Variants in FREM1 observed in about 807,000 individuals in gnomAD.
FREM1 encodes the protein FRAS1-related extracellular matrix protein 1.
In FREM1, 220 loss-of-function variants were observed where a neutral mutation model predicts 210.1. That is an observed-to-expected ratio of 1.05 (90% CI 0.94 to 1.17). The LOEUF (loss-of-function observed/expected upper bound fraction) is 1.17, where lower values mean the gene tolerates loss of function less well. FREM1 is among the 50% of genes most tolerant of loss of function. The pLI is 0.00. For synonymous variants in FREM1, 1,189 were observed against 980.2 expected (o/e 1.21, Z -3.98); for missense variants, 3,454 against 2,675.5 (o/e 1.29, Z -6.42).
Position 14,737,378 on chromosome 9 carries a change from CT to C in FREM1, c.*17del. On this transcript the variant is annotated 3_prime_UTR_variant, in exon 37 of 37. Coordinates refer to ENST00000380880, the MANE Select transcript of FREM1 (RefSeq NM_001379081.2). ...TAGGTGACAAACTCCAGGTGGCCCCCTGTAGGGTCTGTTATATTTAGAGTTT... is the reference window on the plus strand; with the variant it reads ...TAGGTGACAAACTCCAGGTGGCCCCCGTAGGGTCTGTTATATTTAGAGTTT... 1.9e-6 allele frequency: 3 copies of C among 1,602,606 alleles called. No individual in the cohort carries two copies. The highest frequency in any genetic ancestry group is 2.6e-6 in the Non-Finnish European group (3 of 1,171,428).
rs532137391 is a variant in FREM1 at position 14,760,012 on chromosome 9, T to C, written c.5205-111A>G. The C allele has an allele frequency of 8.6e-6, 6 of 699,026 alleles. No homozygotes were observed. In the South Asian group the frequency reaches 9.6e-5, roughly 11 times the overall value. 43.3% of individuals were successfully genotyped at this position (699,026 alleles called of 1,614,324 possible). A position where few individuals can be genotyped will look rare whatever the true frequency, so the allele number is the denominator to read the frequency against. ...GTGGTTGATCAACCTACACCAGTGATGGAAATTCCTTAAGACTTATTTGAC... is the reference window on the plus strand; with the variant it reads ...GTGGTTGATCAACCTACACCAGTGACGGAAATTCCTTAAGACTTATTTGAC... On this transcript the variant is annotated intron_variant, in intron 27 of 36. Coordinates refer to ENST00000380880, the MANE Select transcript of FREM1 (RefSeq NM_001379081.2).
intron 9 of FREM1, among the ~76,000 whole-genome samples, chr9:14,842,100 T>C (rs1052427262): frequency 8.5e-5 from 13 of 152,228 alleles, no homozygotes; most frequent in Non-Finnish European, 1.5e-4. Flanking sequence ...TCTGGAAATC[T>C]GTAGATGCAC....
intron 10 of FREM1, among the ~76,000 whole-genome samples, chr9:14,825,547 G>GTGTGTGTATGTATATATATATA: frequency 1.3e-5 from 1 of 75,932 alleles, no homozygotes; most frequent in Non-Finnish European, 2.5e-5. Context: ...GTGTGTGTGT[G>GTGTGTGTATGTATATATATATA]TATATATATA....
chr9:14,818,709 T>C (rs894826040), intron 14 of FREM1, among the ~76,000 whole-genome samples: 4 of 152,328 alleles, frequency 2.6e-5, no homozygotes, highest in East Asian at 1.9e-4. Context: ...GCCATCCCTG[T>C]TGGAGACTCA....
At chr9:14,789,455 G>A (rs900372347) in intron 22 of FREM1, among the ~76,000 whole-genome samples, 3 of 151,986 alleles carry the variant, frequency 2.0e-5, no homozygotes, top group Non-Finnish European at 4.4e-5. Context: ...CTCTTGGAAG[G>A]GATTCTTTAG....
intron 14 of FREM1, among the ~76,000 whole-genome samples, chr9:14,817,592 G>A (rs1336216572): frequency 6.6e-6 from 1 of 152,186 alleles, no homozygotes. Context: ...AGCTGCTGAA[G>A]TGAATTGAGC....
chr9:14,785,449 T>G (rs192211058), intron 23 of FREM1, among the ~76,000 whole-genome samples: 2 of 152,224 alleles, frequency 1.3e-5, no homozygotes, highest in Non-Finnish European at 2.9e-5. Context: ...GTTGCACAAA[T>G]GTTCATGATA....
Position 14,813,069 on chromosome 9 carries a change from G to A in FREM1, c.2641-5C>T. 2 of 1,589,202 alleles carry A rather than the reference G, an allele frequency of 1.3e-6. No homozygotes were observed. The highest frequency in any genetic ancestry group is 1.8e-5 in the Admixed American group (1 of 57,076). On this transcript the variant is annotated splice_region_variant and splice_polypyrimidine_tract_variant and intron_variant, in intron 15 of 36. Coordinates refer to ENST00000380880, the MANE Select transcript of FREM1 (RefSeq NM_001379081.2). ...CTCATCGTTGACAGGGAATACCTAG[G>A]CAATGGAAAAAATGCATGTTTTCAG...
chr9:14,882,912 CA>C (rs71323913), intron 1 of FREM1, among the ~76,000 whole-genome samples: 12 of 45,418 alleles, frequency 2.6e-4, no homozygotes, highest in Non-Finnish European at 3.6e-4. Context: ...GACTCCATCT[CA>C]AAAAAAAAAA....
At chr9:14,825,711 A>G (rs2493630) in intron 10 of FREM1, among the ~76,000 whole-genome samples, 63,526 of 151,196 alleles carry the variant, frequency 0.42, 15,172 homozygotes, top group East Asian at 0.74. Context: ...TCAGTCATCA[A>G]TCTTAGAAAC....
At chr9:14,874,424 G>A (rs948903125) in intron 1 of FREM1, among the ~76,000 whole-genome samples, 2 of 149,946 alleles carry the variant, frequency 1.3e-5, no homozygotes, top group Admixed American at 6.6e-5. Context: ...TTATGTAATG[G>A]CCTTCTTTGT....
At chr9:14,785,098 A>T (rs1045801084) in intron 23 of FREM1, among the ~76,000 whole-genome samples, 6 of 152,222 alleles carry the variant, frequency 3.9e-5, no homozygotes, top group African/African-American at 1.4e-4. Context: ...TACTTGAAAG[A>T]AACACTTGCC....
chr9:14,793,843 G>C (rs1308516481), intron 21 of FREM1, among the ~76,000 whole-genome samples: 1 of 152,154 alleles, frequency 6.6e-6, no homozygotes, highest in Non-Finnish European at 1.5e-5. Flanking sequence ...TTTCACTCAG[G>C]GTGAGTATCT....
chr9:14,747,213 C>A, intron 33 of FREM1, 51 bp downstream of exon 33: 1 of 1,590,608 alleles, frequency 6.3e-7, no homozygotes, highest in South Asian at 1.1e-5. Context: ...GTTTCTGGCC[C>A]AGCAAACAAC....
intron 14 of FREM1, among the ~76,000 whole-genome samples, chr9:14,817,110 C>T (rs1820445005): frequency 6.6e-6 from 1 of 152,142 alleles, no homozygotes; most frequent in African/African-American, 2.4e-5. Context: ...CTAATTTGTC[C>T]TCAAATTAAA....
intron 8 of FREM1, among the ~76,000 whole-genome samples, chr9:14,843,700 A>G (rs557252991): frequency 1.4e-3 from 207 of 148,410 alleles, no homozygotes; most frequent in African/African-American, 4.8e-3. Context: ...CTTACATGGC[A>G]GCAGTTCTTA....
intron 21 of FREM1, among the ~76,000 whole-genome samples, chr9:14,795,531 G>C (rs1852211671): frequency 6.6e-6 from 1 of 152,186 alleles, no homozygotes; most frequent in Non-Finnish European, 1.5e-5. Flanking sequence ...GAGAAAGAGA[G>C]TGTTATTACT....
intron 13 of FREM1, 114 bp downstream of exon 13, chr9:14,823,046 T>A: frequency 1.4e-6 from 1 of 717,152 alleles, no homozygotes; most frequent in Non-Finnish European, 2.1e-6. Context: ...AGATGGAAAT[T>A]TCTTTTATAA....
rs1334771353 is a variant in FREM1 at position 14,770,863 on chromosome 9, C to A, written c.4858-57G>T. 4.7e-6 allele frequency: 6 copies of A among 1,289,582 alleles called. No individual in the cohort carries two copies. In the African/African-American group the frequency reaches 5.9e-5, roughly 13 times the overall value. The allele number at this position is 1,289,582 out of a possible 1,614,324, so 79.9% of individuals were successfully genotyped here. On this transcript the variant is annotated intron_variant, in intron 25 of 36. Coordinates refer to ENST00000380880, the MANE Select transcript of FREM1 (RefSeq NM_001379081.2). ...CCAAAGGCCCCTCACCCCCATGCAA[C>A]GTTGGGCTTTATTGGTTCAACAATG...
Sources: gnomAD v4.1 joint callset for allele counts (sites outside exome capture counted in the v4.1 genomes callset) on GRCh38, gnomAD v4.1.1 for gene constraint, MANE v1.5 for transcripts, NCBI Gene and HGNC (gene_info 2026-07-23, HGNC 2026-07-21) for gene names.